Variants in SMIM14 observed in about 807,000 individuals in gnomAD.
The protein encoded by SMIM14 is chromosome 4 open reading frame 34.
Under a neutral mutation model 12.6 loss-of-function variants are expected in SMIM14, and 5 were observed. The ratio of observed to expected loss-of-function variants is 0.40; its 90% CI spans 0.21 to 0.83. SMIM14 has a LOEUF of 0.83. SMIM14 is among the 40% of genes least tolerant of loss of function. The pLI, the probability that SMIM14 is intolerant of heterozygous loss-of-function variation, is 0.37. For synonymous variants in SMIM14, 30 were observed against 40.1 expected, an observed-to-expected ratio of 0.75 and a Z score of 0.95; for missense variants, 86 against 119.1, an observed-to-expected ratio of 0.72 and a Z score of 1.29.
At chr4:39,572,307 ACCACTAG>A in intron 3 of SMIM14, 101 bp downstream of exon 3, 1 of 200,230 alleles carries the variant, frequency 5.0e-6, no homozygotes, top group African/African-American at 4.3e-5. Flanking sequence ...TTTTTTGGTA[ACCACTAG>A]AATAGGCAAT....
intron 2 of SMIM14, among the ~76,000 whole-genome samples, chr4:39,599,242 C>CA (rs1206917789): frequency 6.6e-6 from 1 of 152,048 alleles, no homozygotes; most frequent in African/African-American, 2.4e-5. Context: ...CCAGGAACAG[C>CA]AAGGGGGCCA....
At chr4:39,591,069 A>T (rs183280780) in intron 2 of SMIM14, among the ~76,000 whole-genome samples, 46 of 152,214 alleles carry the variant, frequency 3.0e-4, no homozygotes, top group Middle Eastern at 3.4e-3. Flanking sequence ...TCCCTTATAT[A>T]AAATTGTATA....
rs138420559 is a variant in SMIM14, at chr4:39,591,931, C to G, written c.75+13140G>C. On this transcript the variant is annotated intron_variant, in intron 2 of 4. Coordinates refer to ENST00000295958, the MANE Select transcript of SMIM14 (RefSeq NM_174921.3). ...CAGAGAAGCTTAGTGAGGTGGCTCA[C>G]GACTGTAATCTTAGCACTTAAGGAG... Among the ~76,000 whole-genome samples the G allele has an allele frequency of 5.0e-3, 755 of 152,150 alleles. 10 individuals are homozygous for G. Among genetic ancestry groups the G allele is most frequent in the African/African-American group, 0.017 (697 of 41,502 alleles).
intron 1 of SMIM14, among the ~76,000 whole-genome samples, chr4:39,613,429 T>C (rs1715104828): frequency 6.6e-6 from 1 of 152,218 alleles, no homozygotes; most frequent in Admixed American, 6.5e-5. Flanking sequence ...CCGTTTTCAG[T>C]TAACAGTTTC....
At chr4:39,634,162 C>A (rs554387720) in intron 1 of SMIM14, among the ~76,000 whole-genome samples, 1 of 152,156 alleles carries the variant, frequency 6.6e-6, no homozygotes, top group Non-Finnish European at 1.5e-5. Flanking sequence ...CTCTCGACCT[C>A]GTGATCCACC....
chr4:39,622,176 C>T (rs941509662), intron 1 of SMIM14, among the ~76,000 whole-genome samples: 33 of 151,578 alleles, frequency 2.2e-4, no homozygotes, highest in African/African-American at 7.3e-4. Flanking sequence ...CTCCGCCTCC[C>T]GGGTTCACGC....
At chr4:39,585,759 C>T (rs1713755137) in intron 2 of SMIM14, among the ~76,000 whole-genome samples, 1 of 152,062 alleles carries the variant, frequency 6.6e-6, no homozygotes, top group African/African-American at 2.4e-5. Flanking sequence ...CTCCAGGTAG[C>T]ACCAACCCCA....
At chr4:39,628,818 C>T (rs1715800302) in intron 1 of SMIM14, among the ~76,000 whole-genome samples, 1 of 150,540 alleles carries the variant, frequency 6.6e-6, no homozygotes, top group Admixed American at 6.6e-5. Flanking sequence ...CTGCAACCTC[C>T]ACCTCCTGGG....
intron 3 of SMIM14, among the ~76,000 whole-genome samples, chr4:39,563,698 ACCCACTTTTTCCT>A (rs1214794452): frequency 1.3e-5 from 2 of 151,822 alleles, no homozygotes; most frequent in Middle Eastern, 3.2e-3. Context: ...CATTTCCTCC[ACCCACTTTTTCCT>A]CTGCCTTCTC....
intron 4 of SMIM14, among the ~76,000 whole-genome samples, chr4:39,555,868 G>T (rs1398870791): frequency 1.3e-5 from 2 of 152,204 alleles, no homozygotes. Context: ...GATCAACTGT[G>T]AGGTGGACAG....
In SMIM14 at chr4:39,628,046, C is replaced by T. The variant is rs536858982; in HGVS notation, c.-36+10693G>A. 1.1e-4 allele frequency among the ~76,000 whole-genome samples: 17 copies of T among 152,298 alleles called. No homozygotes were observed. The South Asian group carries it at 3.1e-3, about 28-fold the overall frequency. ...AAAAAAGGCTAGGCGTGGGGGCTCA[C>T]GCCTATAATCCCAGCACTTTGCGGG... is the stretch of plus-strand genomic sequence containing the variant. On this transcript the variant is annotated intron_variant, in intron 1 of 4. Coordinates refer to ENST00000295958, the MANE Select transcript of SMIM14 (RefSeq NM_174921.3).
chr4:39,570,142 T>G (rs1325052250), intron 3 of SMIM14, among the ~76,000 whole-genome samples: 1 of 152,150 alleles, frequency 6.6e-6, no homozygotes, highest in Non-Finnish European at 1.5e-5. Context: ...TGCTTTTTCC[T>G]TGTTCATCTA....
At chr4:39,600,314 T>A (rs1036245037) in intron 2 of SMIM14, among the ~76,000 whole-genome samples, 1 of 152,102 alleles carries the variant, frequency 6.6e-6, no homozygotes, top group East Asian at 1.9e-4. Context: ...GATGAGATTA[T>A]AGGCATGAGC....
intron 3 of SMIM14, among the ~76,000 whole-genome samples, chr4:39,569,084 C>G (rs922326747): frequency 6.6e-6 from 1 of 152,154 alleles, no homozygotes; most frequent in African/African-American, 2.4e-5. Flanking sequence ...ACTAGGAAAA[C>G]AGGTTTTAGC....
intron 2 of SMIM14, among the ~76,000 whole-genome samples, chr4:39,584,793 C>CAAAAAAAAAAAAAAAA (rs34970724): frequency 3.9e-5 from 3 of 76,306 alleles, no homozygotes; most frequent in African/African-American, 1.6e-4. Context: ...AGGACCTTGT[C>CAAAAAAAAAAAAAAAA]AAAAAAAAAA....
rs1180247768 is a variant in SMIM14 at position 39,605,167 on chromosome 4, T to C, written c.-22A>G. The C allele has an allele frequency of 1.3e-5, 20 of 1,593,578 alleles. No homozygotes were observed. Among genetic ancestry groups the C allele is most frequent in the Non-Finnish European group, 1.7e-5 (20 of 1,175,598 alleles). Reference sequence around the variant, plus strand: ...CCATGATTACCCAGCTTGATTTTACTTGACTGTTTAAATCTAGGAGGAAGG... The same window carrying C: ...CCATGATTACCCAGCTTGATTTTACCTGACTGTTTAAATCTAGGAGGAAGG... On this transcript the variant is annotated 5_prime_UTR_variant, in exon 2 of 5. Coordinates refer to ENST00000295958, the MANE Select transcript of SMIM14 (RefSeq NM_174921.3).
intron 2 of SMIM14, among the ~76,000 whole-genome samples, chr4:39,596,182 A>G (rs1021247535): frequency 2.5e-4 from 38 of 150,100 alleles, no homozygotes; most frequent in African/African-American, 9.3e-4. Context: ...CGCAACCTCC[A>G]CCTCCCAGGT....
rs889794202 is a variant in SMIM14 at position 39,551,786 on chromosome 4, A to T, written c.*340T>A. 2 of 186,356 alleles carry T rather than the reference A, an allele frequency of 1.1e-5. No homozygotes were observed. The highest frequency in any genetic ancestry group is 1.2e-4 in the Admixed American group (2 of 16,410). 11.5% of individuals were successfully genotyped at this position (186,356 alleles called of 1,614,324 possible). A position where few individuals can be genotyped will look rare whatever the true frequency, so the allele number is the denominator to read the frequency against. On this transcript the variant is annotated 3_prime_UTR_variant, in exon 5 of 5. Coordinates refer to ENST00000295958, the MANE Select transcript of SMIM14 (RefSeq NM_174921.3). ...AAAATATATAAATGCAGACCTCTCA[A>T]ATTTCCTTCAATCAGGCCAGAAATT...
chr4:39,579,569 A>C (rs1044014606), intron 2 of SMIM14, among the ~76,000 whole-genome samples: 35 of 151,546 alleles, frequency 2.3e-4, no homozygotes, highest in Non-Finnish European at 1.0e-4. Context: ...GCAGGCCGGG[A>C]ACAGGGCTCA....
Sources: allele counts gnomAD v4.1 joint callset (sites outside exome capture counted in the v4.1 genomes callset), GRCh38; gene constraint gnomAD v4.1.1; transcripts MANE v1.5; gene names NCBI Gene and HGNC (gene_info 2026-07-23, HGNC 2026-07-21).